CFAP44: variants seen among roughly 807,000 people sequenced by gnomAD.
CFAP44 encodes cilia- and flagella-associated protein 44.
In CFAP44, 134 loss-of-function variants were observed where a neutral mutation model predicts 216.2. The ratio of observed to expected loss-of-function variants is 0.62; its 90% CI spans 0.54 to 0.72. The LOEUF is 0.72. Among genes scored for constraint, CFAP44 ranks in the 30% least tolerant of loss-of-function variants. The pLI is 0.00. For synonymous variants in CFAP44, 700 were observed against 727.6 expected, an observed-to-expected ratio of 0.96 and a Z score of 0.61; for missense variants, 2,035 against 2,182.1, an observed-to-expected ratio of 0.93 and a Z score of 1.34.
intron 15 of CFAP44, among the ~76,000 whole-genome samples, chr3:113,391,855 C>A (rs1308737195): frequency 1.3e-5 from 2 of 152,126 alleles, no homozygotes; most frequent in Non-Finnish European, 2.9e-5. Context: ...TATGATATAT[C>A]ATCTCATTCC....
chr3:113,310,551 A>C (rs920886938), intron 28 of CFAP44, among the ~76,000 whole-genome samples: 1 of 152,276 alleles, frequency 6.6e-6, no homozygotes, highest in Non-Finnish European at 1.5e-5. Context: ...ACAAAGTCTC[A>C]TAATACAACA....
At chr3:113,331,304 C>T (rs1188144173) in intron 25 of CFAP44, among the ~76,000 whole-genome samples, 2 of 152,038 alleles carry the variant, frequency 1.3e-5, no homozygotes, top group Non-Finnish European at 1.5e-5. Flanking sequence ...AATCTCATTG[C>T]TCTTTCATTA....
chr3:113,311,577 A>C (rs1367470537), intron 28 of CFAP44, among the ~76,000 whole-genome samples: 1 of 152,118 alleles, frequency 6.6e-6, no homozygotes, highest in Non-Finnish European at 1.5e-5. Flanking sequence ...TTTTCTTCCC[A>C]GTCTTGGTTA....
intron 13 of CFAP44, among the ~76,000 whole-genome samples, chr3:113,397,659 G>C (rs1303827707): frequency 6.6e-6 from 1 of 152,170 alleles, no homozygotes; most frequent in South Asian, 2.1e-4. Flanking sequence ...GAAGATGAGG[G>C]ATATGAACAT....
rs971590557 is a variant in CFAP44 at position 113,289,086 on chromosome 3, A to G, written c.*2471T>C. On this transcript the variant is annotated 3_prime_UTR_variant, in exon 35 of 35. Transcript: ENST00000393845. ...GCTTCCCAGCCACCCTGCCCATGCC[A>G]CACCCTGCTGGTCTACTTGTGTTTG... The G allele has an allele frequency of 6.6e-6, 1 of 152,168 alleles. No homozygotes were observed. Among genetic ancestry groups the G allele is most frequent in the South Asian group, 2.1e-4 (1 of 4,826 alleles). The allele number at this position is 152,168 out of a possible 1,614,324, so 9.4% of individuals were successfully genotyped here.
intron 26 of CFAP44, among the ~76,000 whole-genome samples, chr3:113,328,059 A>C (rs952425493): frequency 2.6e-5 from 4 of 152,042 alleles, no homozygotes; most frequent in African/African-American, 9.7e-5. Flanking sequence ...CTTCACCATT[A>C]ACTAAGCCAT....
At chr3:113,396,456 G>T in intron 14 of CFAP44, 62 bp downstream of exon 14, 1 of 1,513,360 alleles carries the variant, frequency 6.6e-7, no homozygotes, top group South Asian at 1.2e-5. Flanking sequence ...GAAGTAGGAG[G>T]ACTTATAAGG....
intron 2 of CFAP44, chr3:113,432,327 A>G (rs1356417396): frequency 1.3e-5 from 2 of 152,192 alleles, no homozygotes; most frequent in African/African-American, 4.8e-5. Context: ...CCAGATATGC[A>G]CTATTTAAAA....
chr3:113,410,894 G>A (rs1366599745), intron 6 of CFAP44, among the ~76,000 whole-genome samples: 1 of 152,148 alleles, frequency 6.6e-6, no homozygotes, highest in East Asian at 1.9e-4. Flanking sequence ...TTCTCTGATG[G>A]CCAGTGATGA....
intron 6 of CFAP44, among the ~76,000 whole-genome samples, chr3:113,411,113 G>A (rs1470484034): frequency 6.6e-6 from 1 of 152,068 alleles, no homozygotes; most frequent in African/African-American, 2.4e-5. Context: ...CACTCTGATG[G>A]TAGTTTCTTT....
intron 34 of CFAP44, among the ~76,000 whole-genome samples, chr3:113,292,342 G>C (rs1430417658): frequency 6.6e-6 from 1 of 151,996 alleles, no homozygotes; most frequent in East Asian, 1.9e-4. Flanking sequence ...ATTTAATATA[G>C]CATGACCAAA....
rs549264063 is a variant in CFAP44 at position 113,376,033 on chromosome 3, A to G, written c.2299-2477T>C. 8.5e-4 allele frequency among the ~76,000 whole-genome samples: 129 copies of G among 152,314 alleles called. 1 individual carries two copies. Among genetic ancestry groups the G allele is most frequent in the African/African-American group, 3.0e-3 (124 of 41,586 alleles). ...TAGTAGATTTAAACTAAAATATATT[A>G]GTAATTACATTAAATATAAATGAAC... On this transcript the variant is annotated intron_variant, in intron 17 of 34. Coordinates refer to ENST00000393845, the MANE Select transcript of CFAP44 (RefSeq NM_001164496.2).
Position 113,396,664 on chromosome 3 carries a change from G to T in CFAP44, c.1633C>A (p.Leu545Ile), listed in dbSNP as rs1487145082. 1.2e-6 allele frequency: 2 copies of T among 1,614,038 alleles called. No individual in the cohort carries two copies. The highest frequency in any genetic ancestry group is 1.7e-6 in the Non-Finnish European group (2 of 1,179,976). Residue 545 changes from leucine (L) to isoleucine (I), a missense_variant, in exon 14 of 35, where the codon CTT (leucine) becomes ATT (isoleucine). Transcript: ENST00000393845. ...ATCGTGAGCCCTTTTGGATCATAAAGTTCAAGAATTCGAACAACTCCATCT... is the reference window on the plus strand; with the variant it reads ...ATCGTGAGCCCTTTTGGATCATAAATTTCAAGAATTCGAACAACTCCATCT... The part of the protein sequence containing the change: ...FEDGVVRILE[L>I]YDPKGLTIFA...
Position 113,327,402 on chromosome 3 carries a change from C to T in CFAP44, c.4320+214G>A, listed in dbSNP as rs181538710. The stretch of plus-strand genomic sequence containing the variant: ...TCTTCTACCTTACAGAATATCAGAC[C>T]AAATTTACTAAAAAATCTGAATCAT... On this transcript the variant is annotated intron_variant, in intron 27 of 34. Transcript: ENST00000393845. 8.7e-3 allele frequency among the ~76,000 whole-genome samples: 1,325 copies of T among 152,076 alleles called. 16 individuals are homozygous for T. The highest frequency in any genetic ancestry group is 0.022 in the African/African-American group (899 of 41,510).
intron 15 of CFAP44, among the ~76,000 whole-genome samples, chr3:113,382,333 T>C (rs1933536643): frequency 6.6e-6 from 1 of 152,150 alleles, no homozygotes; most frequent in South Asian, 2.1e-4. Context: ...TCAAGAAAGA[T>C]AAGAACTAAA....
chr3:113,393,298 G>A (rs759096325), intron 15 of CFAP44, among the ~76,000 whole-genome samples: 12 of 152,186 alleles, frequency 7.9e-5, no homozygotes, highest in Non-Finnish European at 1.3e-4. Flanking sequence ...ATTATGCTGA[G>A]TGTTTTGGTC....
intron 22 of CFAP44, among the ~76,000 whole-genome samples, chr3:113,355,999 A>G (rs973709545): frequency 2.7e-5 from 4 of 150,622 alleles, no homozygotes; most frequent in African/African-American, 9.7e-5. Context: ...CTTCATTTAT[A>G]TATAATTATG....
In CFAP44 at chr3:113,407,014, G is replaced by A. The variant is rs543988684; in HGVS notation, c.918C>T (p.Thr306=). The stretch of plus-strand genomic sequence containing the variant: ...CTAGTGATCCCTGCAGCTTGAGACC[G>A]GTGAACGTAAAAGCCATTTCCCAGA... ...IKFWEMAFTF[T]GLKLQGSLGR... Residue 306 remains threonine, a synonymous_variant, in exon 8 of 35, where the codon ACC becomes ACT. Transcript: ENST00000393845. 40 of 1,614,026 alleles carry A rather than the reference G, an allele frequency of 2.5e-5. No homozygotes were observed. The South Asian group carries it at 2.7e-4, about 11-fold the overall frequency.
chr3:113,343,691 G>A (rs1950355917), intron 23 of CFAP44, among the ~76,000 whole-genome samples: 2 of 152,136 alleles, frequency 1.3e-5, no homozygotes, highest in Admixed American at 1.3e-4. Flanking sequence ...CAGGACAAAA[G>A]ACTAAACAGA....
Sources: gnomAD v4.1 joint callset for allele counts (sites outside exome capture counted in the v4.1 genomes callset) on GRCh38, gnomAD v4.1.1 for gene constraint, MANE v1.5 for transcripts, NCBI Gene and HGNC (gene_info 2026-07-23, HGNC 2026-07-21) for gene names.